The following IRAK1BP1 variants were observed in gnomAD, a reference collection of about 807,000 sequenced individuals.
IRAK1BP1 encodes the protein interleukin-1 receptor-associated kinase 1-binding protein 1.
In IRAK1BP1, 24 loss-of-function variants were observed where a neutral mutation model predicts 28.0. The ratio of observed to expected loss-of-function variants is 0.86; its 90% confidence interval spans 0.62 to 1.20. IRAK1BP1 has a LOEUF of 1.20. Ranked by LOEUF, IRAK1BP1 falls within the 50% of genes most tolerant of loss-of-function variation. IRAK1BP1 has a pLI of 0.00. For synonymous variants in IRAK1BP1, 131 were observed against 116.3 expected, an observed-to-expected ratio of 1.13 and a Z score of -0.81; for missense variants, 336 against 316.7, an observed-to-expected ratio of 1.06 and a Z score of -0.46.
the IRAK1BP1 span, chr6:78,970,767 A>C: frequency 3.3e-6 from 5 of 1,497,564 alleles, no homozygotes; most frequent in Middle Eastern, 1.9e-4. Context: ...TTAAATAATA[A>C]ATCAATGTCA....
Position 78,898,294 on chromosome 6 carries a change from T to C in IRAK1BP1, c.743T>C (p.Phe248Ser), listed in dbSNP as rs765918588. The C allele has an allele frequency of 5.6e-6, 9 of 1,604,848 alleles. No individual in the cohort carries two copies. In the Middle Eastern group the frequency reaches 5.0e-4, roughly 89 times the overall value. ...IHAASKVFIT[F>S]EVKGKEKRKK... ...GCTGCTTCAAAAGTATTTATAACTT[T>C]TGAGGTAAAGGGAAAAGAGAAGAGA... Residue 248 changes from phenylalanine to serine, a missense_variant, in exon 4 of 4, where the codon TTT (phenylalanine) becomes TCT (serine). By Grantham distance (155) the Phe-to-Ser change is radical (BLOSUM62 -2). Coordinates refer to ENST00000369940, the MANE Select transcript of IRAK1BP1 (RefSeq NM_001010844.4).
At chr6:78,948,369 T>TA (rs1225103383), downstream of IRAK1BP1, among the ~76,000 whole-genome samples, 2 of 152,066 alleles carry the variant, frequency 1.3e-5, no homozygotes, top group Non-Finnish European at 2.9e-5. Flanking sequence ...TAAAATTAGG[T>TA]AACAGATTGG....
chr6:78,894,526 G>A (rs1053329507), intron 2 of IRAK1BP1, among the ~76,000 whole-genome samples: 7 of 152,090 alleles, frequency 4.6e-5, no homozygotes, highest in African/African-American at 1.4e-4. Context: ...AGGACATACA[G>A]CACTAAATAT....
At chr6:78,975,232 T>A in the IRAK1BP1 span, among the ~76,000 whole-genome samples, 1 of 151,894 alleles carries the variant, frequency 6.6e-6, no homozygotes, top group African/African-American at 2.4e-5. Context: ...CGCAAATCAA[T>A]AAATGTAATC....
intron 4 of IRAK1BP1, among the ~76,000 whole-genome samples, chr6:78,921,439 G>T (rs1327488604): frequency 6.6e-6 from 1 of 152,220 alleles, no homozygotes; most frequent in Non-Finnish European, 1.5e-5. Context: ...GCTCGAACTG[G>T]GTGGAGCCCA....
intron 4 of IRAK1BP1, among the ~76,000 whole-genome samples, chr6:78,909,628 G>C (rs1208163604): frequency 2.0e-5 from 3 of 152,208 alleles, no homozygotes; most frequent in Non-Finnish European, 2.9e-5. Flanking sequence ...TAGGAGAAGG[G>C]CCTTTAATTT....
exon 5 of IRAK1BP1, chr6:78,945,451 G>A: frequency 1.2e-6 from 2 of 1,610,754 alleles, no homozygotes; most frequent in Non-Finnish European, 1.7e-6. Context: ...GACCAGGACT[G>A]GAAAGAGTAT....
At chr6:78,893,312 G>GTATATATATATATATATA (rs1188973498) in intron 2 of IRAK1BP1, among the ~76,000 whole-genome samples, 2 of 64,210 alleles carry the variant, frequency 3.1e-5, no homozygotes, top group Non-Finnish European at 3.2e-5. Context: ...GTGTGTGTGT[G>GTATATATATATATATATA]TGTATATATA....
At chr6:78,969,680 C>A in the IRAK1BP1 span, among the ~76,000 whole-genome samples, 1 of 151,980 alleles carries the variant, frequency 6.6e-6, no homozygotes, top group Admixed American at 6.6e-5. Context: ...CTTAACAATA[C>A]CTCTGACATA....
At chr6:78,961,885 A>G in the IRAK1BP1 span, 1 of 1,146,656 alleles carries the variant, frequency 8.7e-7, no homozygotes, top group Non-Finnish European at 1.2e-6. Flanking sequence ...TGCTTGAATT[A>G]AGACTTAAAA....
intron 1 of IRAK1BP1, among the ~76,000 whole-genome samples, chr6:78,884,106 TA>T: frequency 6.6e-6 from 1 of 152,294 alleles, no homozygotes; most frequent in South Asian, 2.1e-4. Flanking sequence ...ATAATAAAAA[TA>T]TTGTGTTAAT....
At chr6:78,888,242 T>TA (rs1378460221) in intron 2 of IRAK1BP1, among the ~76,000 whole-genome samples, 4 of 152,172 alleles carry the variant, frequency 2.6e-5, no homozygotes. Context: ...AAGTTACAGT[T>TA]ATGCAGATGA....
At chr6:78,952,287 C>T in the IRAK1BP1 span, among the ~76,000 whole-genome samples, 1 of 151,862 alleles carries the variant, frequency 6.6e-6, no homozygotes, top group Non-Finnish European at 1.5e-5. Flanking sequence ...GGCGTGGTGG[C>T]ATGCGCCTAT....
Position 78,921,648 on chromosome 6 carries a change from G to A in IRAK1BP1, c.*67+18538G>A, listed in dbSNP as rs111277116. Among the ~76,000 whole-genome samples, 128 of 152,290 alleles carry A rather than the reference G, an allele frequency of 8.4e-4. 1 individual carries two copies. Among genetic ancestry groups the A allele is most frequent in the African/African-American group, 3.0e-3 (124 of 41,574 alleles). ...CTCCTCAAGTGGGTCCCTGACCCAC[G>A]AGTGGCCTAACTGGGAGGCATCCCC... On this transcript the variant is annotated intron_variant and NMD_transcript_variant, in intron 4 of 4. Coordinates refer to the IRAK1BP1 transcript ENST00000606868.
chr6:78,921,708 T>C (rs1562098788), intron 4 of IRAK1BP1, among the ~76,000 whole-genome samples: 2 of 152,116 alleles, frequency 1.3e-5, no homozygotes, highest in Non-Finnish European at 2.9e-5. Flanking sequence ...CACGGGCAGG[T>C]ACTCCTCTGA....
At chr6:78,910,682 C>A (rs1336217853) in intron 4 of IRAK1BP1, among the ~76,000 whole-genome samples, 2 of 152,246 alleles carry the variant, frequency 1.3e-5, no homozygotes, top group African/African-American at 4.8e-5. Context: ...ATGACCCGGG[C>A]TCCCGCTCCT....
the IRAK1BP1 span, chr6:78,955,663 T>C: frequency 9.2e-7 from 1 of 1,084,022 alleles, no homozygotes; most frequent in Admixed American, 1.8e-5. Context: ...AGTGGAATTA[T>C]GTTATAACAA....
At chr6:78,970,025 A>G in the IRAK1BP1 span, 1 of 1,610,382 alleles carries the variant, frequency 6.2e-7, no homozygotes, top group Admixed American at 1.7e-5. Flanking sequence ...TAAGAAAACC[A>G]TTGCCTCTTT....
chr6:78,891,322 C>T (rs1236110450), intron 2 of IRAK1BP1, among the ~76,000 whole-genome samples: 1 of 152,104 alleles, frequency 6.6e-6, no homozygotes, highest in African/African-American at 2.4e-5. Flanking sequence ...AAAAAAGGTT[C>T]TAAGTGATGA....
Sources: allele counts gnomAD v4.1 joint callset (sites outside exome capture counted in the v4.1 genomes callset), GRCh38; gene constraint gnomAD v4.1.1; transcripts MANE v1.5; gene names NCBI Gene and HGNC (gene_info 2026-07-23, HGNC 2026-07-21).